Variants in SCNN1A observed in about 807,000 individuals in gnomAD.
SCNN1A encodes the protein epithelial sodium channel subunit alpha.
A neutral mutation model predicts 68.6 loss-of-function variants in SCNN1A; 65 were observed. That is an observed-to-expected ratio of 0.95 (90% CI 0.78 to 1.16). The LOEUF is 1.16. Ranked by LOEUF, SCNN1A falls within the 50% of genes most tolerant of loss-of-function variation. SCNN1A has a pLI of 0.00. For missense variants in SCNN1A, 880 were observed against 865.9 expected (o/e 1.02, Z -0.20); for synonymous variants, 357 against 353.3 (o/e 1.01, Z -0.12).
intron 2 of SCNN1A, among the ~76,000 whole-genome samples, chr12:6,366,095 C>G: frequency 6.6e-6 from 1 of 152,102 alleles, no homozygotes; most frequent in Non-Finnish European, 1.5e-5. Context: ...ACTTCGTGAT[C>G]CGCCCGTCTC....
chr12:6,360,716 C>T (rs947471950), intron 4 of SCNN1A, among the ~76,000 whole-genome samples: 1 of 152,162 alleles, frequency 6.6e-6, no homozygotes, highest in African/African-American at 2.4e-5. Context: ...AGGGAGATGG[C>T]TCCGGAAAAT....
At position 6,354,121 on chromosome 12, in the gene SCNN1A, T is replaced by C. The variant is rs551539996; in HGVS notation, c.1360+317A>G. On this transcript the variant is annotated intron_variant, in intron 8 of 12. Coordinates refer to ENST00000228916, the MANE Select transcript of SCNN1A (RefSeq NM_001038.6). The stretch of plus-strand genomic sequence containing the variant: ...TGGCGGGTGCCTGTAGTCCCAGCTA[T>C]TCAGGAGGCTGAGGCAGGAGAATGG... Among the ~76,000 whole-genome samples the C allele has an allele frequency of 2.2e-3, 333 of 151,850 alleles. 2 individuals carry two copies. The highest frequency in any genetic ancestry group is 6.8e-3 in the Middle Eastern group (2 of 294).
Position 6,374,461 on chromosome 12 carries a change from T to A in SCNN1A, c.323A>T (p.Glu108Val), listed in dbSNP as rs777004900. The change falls in exon 2 of 13, where the codon GAG becomes GTG. Residue 108 changes from glutamate (E) to valine (V), a missense_variant. Physicochemically the swap from Glu to Val is moderately radical, Grantham distance 121. This residue lies in a region of SCNN1A where 758 missense variants were observed against 721.8 expected (regional missense o/e 1.05). Transcript: ENST00000228916. The surrounding 1 kb of genome is among the most constrained non-coding windows in gnomAD (Gnocchi z 6.2). ...MYWQFGLLFGEYFSYPVSLNI... is the reference protein window; with the variant it reads ...MYWQFGLLFGVYFSYPVSLNI... The stretch of plus-strand genomic sequence containing the variant: ...GAGGCTGACGGGGTAGCTGAAGTAC[T>A]CTCCGAAAAGCAGGCCGAATTGCCA... The A allele has an allele frequency of 6.2e-7, 1 of 1,614,172 alleles. No homozygotes were observed. The highest frequency in any genetic ancestry group is 1.7e-5 in the Admixed American group (1 of 60,026).
chr12:6,367,139 G>A (rs1948694625), intron 2 of SCNN1A, among the ~76,000 whole-genome samples: 1 of 152,140 alleles, frequency 6.6e-6, no homozygotes, highest in South Asian at 2.1e-4. Context: ...TCAGAAGACT[G>A]AGGCAGAAGA....
intron 11 of SCNN1A, 50 bp from the exon 12 acceptor site, chr12:6,348,852 T>C: frequency 1.2e-6 from 2 of 1,602,952 alleles, no homozygotes; most frequent in Non-Finnish European, 1.7e-6. Flanking sequence ...ATGAATTTCC[T>C]GGACCTTCCT....
At chr12:6,365,257 A>G (rs2136890412) in intron 2 of SCNN1A, among the ~76,000 whole-genome samples, 3 of 152,232 alleles carry the variant, frequency 2.0e-5, no homozygotes, top group Admixed American at 2.0e-4. Context: ...AGCCCAAGCA[A>G]TCACCAGCCT....
intron 1 of SCNN1A, chr12:6,375,226 T>C (rs1306079472): frequency 3.5e-6 from 5 of 1,440,878 alleles, no homozygotes; most frequent in Non-Finnish European, 4.5e-6. Context: ...CTTCTGTTTC[T>C]CTTTGGGTCT....
chr12:6,348,967 G>GT lies in SCNN1A; in HGVS notation c.1535dup (p.Tyr512Ter). ...VFQMLSRQNN[Y>*]TVNNKRNGVA... The stretch of plus-strand genomic sequence containing the variant: ...GGACTGACCTCTTGTTGTTGACGGT[G>GT]TAATTGTTCTGTCGCGATAGCATCT... The change falls in exon 11 of 13, where the codon TAC becomes TAAC. Residue 512 changes from tyrosine to a stop codon, truncating the protein, a stop_gained and frameshift_variant. Coordinates refer to ENST00000228916, the MANE Select transcript of SCNN1A (RefSeq NM_001038.6). LOFTEE classifies it high-confidence loss of function. 6.2e-7 allele frequency: 1 copy of GT among 1,614,118 alleles called. No homozygotes were observed. Among genetic ancestry groups the GT allele is most frequent in the Non-Finnish European group, 8.5e-7 (1 of 1,180,026 alleles).
chr12:6,376,092 C>T, upstream of SCNN1A: 1 of 989,346 alleles, frequency 1.0e-6, no homozygotes, highest in Non-Finnish European at 1.2e-6. Context: ...GTGGGCAGCC[C>T]TCCAAGGGCA....
intron 4 of SCNN1A, among the ~76,000 whole-genome samples, chr12:6,356,625 G>A (rs1400665071): frequency 6.6e-6 from 1 of 152,172 alleles, no homozygotes; most frequent in Non-Finnish European, 1.5e-5. Flanking sequence ...GACAGGTGTG[G>A]GGACAGAGAG....
chr12:6,370,762 G>A (rs1948775494), intron 2 of SCNN1A, among the ~76,000 whole-genome samples: 1 of 152,220 alleles, frequency 6.6e-6, no homozygotes, highest in Non-Finnish European at 1.5e-5. Context: ...CCCCACAGGA[G>A]CTCTCTCTGG....
intron 6 of SCNN1A, among the ~76,000 whole-genome samples, 154 bp from the exon 7 acceptor site, chr12:6,355,002 C>T (rs1295199216): frequency 6.6e-6 from 1 of 152,072 alleles, no homozygotes; most frequent in Non-Finnish European, 1.5e-5. Flanking sequence ...CCATGCCCAC[C>T]CACTGCTCAT....
chr12:6,349,822 GTTCATACCATT>G, intron 8 of SCNN1A: 1 of 197,774 alleles, frequency 5.1e-6, no homozygotes, highest in Admixed American at 5.3e-5. Context: ...CGCCTCCCGG[GTTCATACCATT>G]CTCCTGCATC....
intron 2 of SCNN1A, among the ~76,000 whole-genome samples, chr12:6,365,864 C>A (rs79668760): frequency 0.048 from 7,250 of 152,104 alleles, 415 homozygotes; most frequent in African/African-American, 0.13. Flanking sequence ...TATGAACAGA[C>A]CTACATTTTT....
In SCNN1A at chr12:6,348,234, T is replaced by C. The variant is rs967194739; in HGVS notation, c.1649A>G (p.Asn550Ser). ...PSVTMVTLLS[N>S]LGSQWSLWFG... ...CCACAGGCTCCACTGGCTGCCCAGGTTGGACAGGAGGGTGACCATCTGTGA... is the reference window on the plus strand; with the variant it reads ...CCACAGGCTCCACTGGCTGCCCAGGCTGGACAGGAGGGTGACCATCTGTGA... Residue 550 changes from asparagine (N) to serine (S), a missense_variant, in exon 13 of 13, where the codon AAC becomes AGC. Transcript: ENST00000228916. 6.2e-7 allele frequency: 1 copy of C among 1,614,002 alleles called. No individual in the cohort carries two copies. Among genetic ancestry groups the C allele is most frequent in the East Asian group, 2.2e-5 (1 of 44,876 alleles).
intron 4 of SCNN1A, among the ~76,000 whole-genome samples, chr12:6,357,074 T>C (rs1191263397): frequency 6.6e-6 from 1 of 152,134 alleles, no homozygotes; most frequent in Non-Finnish European, 1.5e-5. Flanking sequence ...TAGGATGTAC[T>C]GGGAAGTCAG....
intron 3 of SCNN1A, among the ~76,000 whole-genome samples, chr12:6,363,081 A>C (rs1267196647): frequency 6.9e-6 from 1 of 145,452 alleles, no homozygotes. Flanking sequence ...ACTAGTGGGC[A>C]CTGGAATTCA....
Position 6,354,568 on chromosome 12 carries a change from A to T in SCNN1A, c.1243-13T>A. 3.1e-6 allele frequency: 5 copies of T among 1,590,556 alleles called. No homozygotes were observed. On this transcript the variant is annotated splice_polypyrimidine_tract_variant and intron_variant, in intron 7 of 12. Transcript: ENST00000228916. ...AGTGAATACACACCTGGAAGGGAGG[A>T]GGGTGGAGAGGAGAGGGGGTTCAGG...
rs1317427652 is a variant in SCNN1A at position 6,354,753 on chromosome 12, C to CG, written c.1238_1239insC (p.Gln413HisfsTer34). On this transcript the variant is annotated frameshift_variant, in exon 7 of 13. Coordinates refer to ENST00000228916, the MANE Select transcript of SCNN1A (RefSeq NM_001038.6). LOFTEE classifies it high-confidence loss of function. ...ACGGAATCAGGTTGGGCCTCACCTG[C>CG]TGTGTGTACTTTGAAGGGTAAAGGT... The CG allele has an allele frequency of 6.2e-7, 1 of 1,613,258 alleles. No individual in the cohort carries two copies. The highest frequency in any genetic ancestry group is 8.5e-7 in the Non-Finnish European group (1 of 1,179,302).
Sources: allele counts gnomAD v4.1 joint callset (sites outside exome capture counted in the v4.1 genomes callset), GRCh38; gene constraint gnomAD v4.1.1; regional missense constraint gnomAD v4.1.1; non-coding constraint Gnocchi (gnomAD v3.1); transcripts MANE v1.5; gene names NCBI Gene and HGNC (gene_info 2026-07-23, HGNC 2026-07-21).